Variants in GNAL observed in about 807,000 individuals in gnomAD.
GNAL encodes the protein guanine nucleotide-binding protein G(olf) subunit alpha.
GNAL carries 18 observed loss-of-function variants against 55.1 expected under a neutral mutation model. That is an observed-to-expected ratio of 0.33 (90% confidence interval 0.23 to 0.48). The LOEUF (loss-of-function observed/expected upper bound fraction) is 0.48. Ranked by LOEUF, GNAL falls within the 20% of genes least tolerant of loss-of-function variation. The probability of loss-of-function intolerance (pLI) is 0.99; values close to 1 mark genes in which losing one functional copy is unlikely to be tolerated. For missense variants in GNAL, 412 were observed against 614.1 expected (o/e 0.67, Z 3.48); for synonymous variants, 253 against 237.0 (o/e 1.07, Z -0.62).
chr18:11,715,091 G>A (rs1447260985), intron 1 of GNAL, among the ~76,000 whole-genome samples: 4 of 151,954 alleles, frequency 2.6e-5, no homozygotes, highest in Admixed American at 2.6e-4. Context: ...GCTGCAGTGA[G>A]CCATGATGGT....
intron 4 of GNAL, among the ~76,000 whole-genome samples, chr18:11,766,532 A>C (rs1407901333): frequency 3.3e-5 from 5 of 152,204 alleles, no homozygotes. Context: ...GTTGGCCTTA[A>C]ACTGACTTCG....
intron 1 of GNAL, among the ~76,000 whole-genome samples, chr18:11,732,566 A>G (rs1054734617): frequency 2.6e-5 from 4 of 152,196 alleles, no homozygotes; most frequent in Non-Finnish European, 4.4e-5. Context: ...CTCTACATTT[A>G]GTCTGTCCTC....
rs149872392 is a variant in GNAL at position 11,706,153 on chromosome 18, A to T, written c.376+16214A>T. Among the ~76,000 whole-genome samples, 495 of 151,800 alleles carry T rather than the reference A, an allele frequency of 3.3e-3. 2 individuals are homozygous for T. Among genetic ancestry groups the T allele is most frequent in the African/African-American group, 0.011 (464 of 41,380 alleles). On this transcript the variant is annotated intron_variant, in intron 1 of 11. Coordinates refer to ENST00000334049, the MANE Select transcript of GNAL (RefSeq NM_182978.4). ...TAGGAGCTCTTTATATATTTCAGAG[A>T]TTAACCCCTTATCAGATATAAGCAT...
At chr18:11,867,417 G>A (rs536617139) in intron 8 of GNAL, among the ~76,000 whole-genome samples, 191 bp downstream of exon 8, 73 of 151,992 alleles carry the variant, frequency 4.8e-4, no homozygotes, top group South Asian at 4.0e-3. Flanking sequence ...GGTGGCTCAC[G>A]CCCGTAATCC....
At chr18:11,814,561 C>G (rs2034903752) in intron 4 of GNAL, among the ~76,000 whole-genome samples, 1 of 151,682 alleles carries the variant, frequency 6.6e-6, no homozygotes, top group Non-Finnish European at 1.5e-5. Flanking sequence ...AAATGAAAAA[C>G]AAAACACCAT....
At chr18:11,791,161 T>C (rs1392987292) in intron 4 of GNAL, among the ~76,000 whole-genome samples, 2 of 152,190 alleles carry the variant, frequency 1.3e-5, no homozygotes, top group African/African-American at 4.8e-5. Context: ...TTCGGCATGG[T>C]GGTGGCCATG....
chr18:11,813,193 T>C (rs886658775), intron 4 of GNAL, among the ~76,000 whole-genome samples: 1 of 149,556 alleles, frequency 6.7e-6, no homozygotes. Context: ...AGGTGGAGGT[T>C]GCAGTGAGCC....
intron 4 of GNAL, among the ~76,000 whole-genome samples, chr18:11,776,133 G>T (rs536698792): frequency 2.0e-5 from 3 of 152,264 alleles, no homozygotes; most frequent in African/African-American, 7.2e-5. Context: ...ATGACCTTGC[G>T]AGTTTCCAGT....
In GNAL at chr18:11,752,826, C is replaced by T; in HGVS notation, c.377-27C>T. On this transcript the variant is annotated intron_variant, in intron 1 of 11. Transcript: ENST00000334049. This position sits in a 1 kb window ranked among gnomAD's most constrained non-coding sequence, Gnocchi z 4.5. ...ATGGCAGCGATATCCGGACACAGATCACAGCGTTCTTTCTGTTTGTTTGCA... is the reference window on the plus strand; with the variant it reads ...ATGGCAGCGATATCCGGACACAGATTACAGCGTTCTTTCTGTTTGTTTGCA... The T allele has an allele frequency of 6.6e-7, 1 of 1,525,786 alleles. No individual in the cohort carries two copies. 94.5% of individuals were successfully genotyped at this position (1,525,786 alleles called of 1,614,324 possible). A position where few individuals can be genotyped will look rare whatever the true frequency, so the allele number is the denominator to read the frequency against.
chr18:11,884,673 T>G lies in GNAL; in HGVS notation c.*3538T>G. On this transcript the variant is annotated 3_prime_UTR_variant, in exon 12 of 12. Coordinates refer to ENST00000334049, the MANE Select transcript of GNAL (RefSeq NM_182978.4). The stretch of plus-strand genomic sequence containing the variant: ...TTATGCTGAGAGCACCAGGCACACG[T>G]TGAACACCGCAGTCTTAGAAACAGC... 1 of 1,574,150 alleles carries G rather than the reference T, an allele frequency of 6.4e-7. No individual in the cohort carries two copies. The highest frequency in any genetic ancestry group is 8.7e-7 in the Non-Finnish European group (1 of 1,146,706).
chr18:11,752,388 T>C lies in GNAL; in HGVS notation c.377-465T>C. On this transcript the variant is annotated intron_variant, in intron 1 of 11. Coordinates refer to ENST00000334049, the MANE Select transcript of GNAL (RefSeq NM_182978.4). The surrounding 1 kb of genome is among the most constrained non-coding windows in gnomAD (Gnocchi z 4.5). ...ACACGTCTCCAACTCTCTATTGCTTTTTGCGCACATTCCTAACTTCCTGAC... is the reference window on the plus strand; with the variant it reads ...ACACGTCTCCAACTCTCTATTGCTTCTTGCGCACATTCCTAACTTCCTGAC... 3 of 1,577,596 alleles carry C rather than the reference T, an allele frequency of 1.9e-6. No individual in the cohort carries two copies. Among genetic ancestry groups the C allele is most frequent in the Non-Finnish European group, 2.6e-6 (3 of 1,166,020 alleles).
intron 4 of GNAL, among the ~76,000 whole-genome samples, chr18:11,775,047 C>T (rs1434793330): frequency 6.6e-6 from 1 of 152,242 alleles, no homozygotes; most frequent in East Asian, 1.9e-4. Context: ...TCGCTCGGCT[C>T]AGCCCAGTGC....
chr18:11,855,881 A>G (rs2035995749), intron 5 of GNAL, among the ~76,000 whole-genome samples: 2 of 148,132 alleles, frequency 1.4e-5, no homozygotes, highest in Non-Finnish European at 2.9e-5. Flanking sequence ...CTGAGGCAGG[A>G]GAATTGCTTA....
At chr18:11,830,918 C>A (rs905251392) in intron 5 of GNAL, among the ~76,000 whole-genome samples, 2 of 151,968 alleles carry the variant, frequency 1.3e-5, no homozygotes, top group African/African-American at 4.8e-5. Context: ...ATGAAATGAC[C>A]AGAATAGGTA....
intron 6 of GNAL, among the ~76,000 whole-genome samples, chr18:11,862,804 C>G (rs1327598201): frequency 6.6e-6 from 1 of 151,572 alleles, no homozygotes; most frequent in African/African-American, 2.4e-5. Context: ...CCTGGGGGGT[C>G]CCATATCACA....
rs1331306796 is a variant in GNAL, at chr18:11,876,697, T to C, written c.1230+9T>C. The C allele has an allele frequency of 6.4e-7, 1 of 1,554,312 alleles. No individual in the cohort carries two copies. ...TCCGGGACCTGTTTTTGGTAAGCAA[T>C]TTTGTTAACCTTTGTTTTTCTACCT... On this transcript the variant is annotated intron_variant, in intron 11 of 11. Coordinates refer to ENST00000334049, the MANE Select transcript of GNAL (RefSeq NM_182978.4).
At chr18:11,809,161 G>A (rs1347584284) in intron 4 of GNAL, among the ~76,000 whole-genome samples, 2 of 152,146 alleles carry the variant, frequency 1.3e-5, no homozygotes, top group Admixed American at 1.3e-4. Context: ...AGGAGTCTGA[G>A]GCAGGAGAAT....
intron 4 of GNAL, among the ~76,000 whole-genome samples, chr18:11,777,129 T>C (rs1315394566): frequency 6.6e-6 from 1 of 152,228 alleles, no homozygotes; most frequent in Non-Finnish European, 1.5e-5. Flanking sequence ...TGTGATTTTG[T>C]AGATGGTGGC....
intron 4 of GNAL, among the ~76,000 whole-genome samples, chr18:11,754,378 C>A (rs1204422896): frequency 2.0e-5 from 3 of 151,376 alleles, no homozygotes; most frequent in African/African-American, 7.3e-5. Context: ...GATCACGCCA[C>A]TGCACTCCAG....
Sources: gnomAD v4.1 joint callset for allele counts (sites outside exome capture counted in the v4.1 genomes callset) on GRCh38, gnomAD v4.1.1 for gene constraint, Gnocchi (gnomAD v3.1) non-coding constraint, MANE v1.5 for transcripts, NCBI Gene and HGNC (gene_info 2026-07-23, HGNC 2026-07-21) for gene names.